The following MGAT5 variants were observed in gnomAD, a reference collection of about 807,000 sequenced individuals.
MGAT5 encodes alpha-1,6-mannosylglycoprotein 6-beta-N-acetylglucosaminyltransferase.
In MGAT5, 30 loss-of-function variants were observed where a neutral mutation model predicts 94.3. That is an observed-to-expected ratio of 0.32 (90% CI 0.24 to 0.43). The LOEUF (loss-of-function observed/expected upper bound fraction) is 0.43, where lower values mean the gene tolerates loss of function less well. MGAT5 is among the 20% of genes least tolerant of loss of function. The probability of loss-of-function intolerance (pLI) is 1.00; values close to 1 mark genes in which losing one functional copy is unlikely to be tolerated. For missense variants in MGAT5, 691 were observed against 905.5 expected (o/e 0.76, Z 3.04); for synonymous variants, 310 against 322.9 (o/e 0.96, Z 0.43).
intron 1 of MGAT5, among the ~76,000 whole-genome samples, chr2:134,265,848 A>G (rs973815254): frequency 2.0e-5 from 3 of 152,156 alleles, no homozygotes; most frequent in African/African-American, 7.2e-5. Flanking sequence ...GTACAGTTGT[A>G]TTGAACAAAA....
rs897201317 is a variant in MGAT5 at position 134,331,465 on chromosome 2, C to T, written c.574-4752C>T. ...CTTCTCCTCAATCGATTGTTGTGTGCGTGTTGCCGTGAGCTCAGACAGTTT... is the reference window on the plus strand; with the variant it reads ...CTTCTCCTCAATCGATTGTTGTGTGTGTGTTGCCGTGAGCTCAGACAGTTT... On this transcript the variant is annotated intron_variant, in intron 4 of 15. Transcript: ENST00000281923. Among the ~76,000 whole-genome samples the T allele has an allele frequency of 4.6e-5, 7 of 152,146 alleles. No homozygotes were observed. The South Asian group carries it at 6.2e-4, about 14-fold the overall frequency.
intron 12 of MGAT5, among the ~76,000 whole-genome samples, chr2:134,420,750 G>C (rs1301881375): frequency 6.6e-6 from 1 of 152,126 alleles, no homozygotes; most frequent in Non-Finnish European, 1.5e-5. Flanking sequence ...ATAAATATGA[G>C]ATGAAATTTG....
chr2:134,265,554 C>T (rs1414880601), intron 1 of MGAT5, among the ~76,000 whole-genome samples: 2 of 152,206 alleles, frequency 1.3e-5, no homozygotes, highest in African/African-American at 4.8e-5. Flanking sequence ...CTGCTTTCCC[C>T]AGAGAGACAT....
intron 7 of MGAT5, among the ~76,000 whole-genome samples, chr2:134,344,191 G>A (rs943911667): frequency 1.3e-5 from 2 of 152,156 alleles, no homozygotes; most frequent in Admixed American, 6.5e-5. Flanking sequence ...CATGAAGTTG[G>A]CCTACCAATC....
intron 3 of MGAT5, among the ~76,000 whole-genome samples, chr2:134,318,242 G>A (rs903611547): frequency 1.3e-5 from 2 of 152,118 alleles, no homozygotes; most frequent in South Asian, 2.1e-4. Flanking sequence ...ACGCTCGTCC[G>A]TGCCCTCCTT....
At chr2:134,130,096 C>G (rs1232854751) in intron 1 of MGAT5, among the ~76,000 whole-genome samples, 1 of 152,186 alleles carries the variant, frequency 6.6e-6, no homozygotes, top group Admixed American at 6.5e-5. Context: ...GCGCCGGGTC[C>G]CCCAGCACTG....
intron 12 of MGAT5, among the ~76,000 whole-genome samples, chr2:134,419,148 A>G (rs1056650190): frequency 6.6e-6 from 1 of 152,334 alleles, no homozygotes; most frequent in Middle Eastern, 3.4e-3. Context: ...ATCCACCTAA[A>G]TTGATCATAT....
intron 2 of MGAT5, among the ~76,000 whole-genome samples, chr2:134,315,015 ACT>A (rs570019404): frequency 1.6e-3 from 243 of 151,892 alleles, no homozygotes; most frequent in South Asian, 8.1e-3. Flanking sequence ...TTAAATATTT[ACT>A]CTCTGTTTCT....
chr2:134,146,747 C>T (rs1182786306), intron 1 of MGAT5, among the ~76,000 whole-genome samples: 3 of 152,084 alleles, frequency 2.0e-5, no homozygotes, highest in Non-Finnish European at 4.4e-5. Flanking sequence ...GCATTGGCAG[C>T]TGGGTTTCTT....
chr2:134,133,802 A>G (rs10200576), intron 1 of MGAT5, among the ~76,000 whole-genome samples: 73,743 of 151,962 alleles, frequency 0.49, 20,975 homozygotes, highest in African/African-American at 0.79. Flanking sequence ...TGGTCGAAAA[A>G]TGCAGGGTGA....
chr2:134,381,391 T>TAAGATA (rs1558841803), intron 10 of MGAT5, among the ~76,000 whole-genome samples: 35 of 80,036 alleles, frequency 4.4e-4, no homozygotes, highest in African/African-American at 1.2e-3. Flanking sequence ...ATTAGATAGA[T>TAAGATA]AGATAGATAG....
intron 11 of MGAT5, among the ~76,000 whole-genome samples, chr2:134,406,988 A>G (rs1683377619): frequency 1.3e-5 from 2 of 152,206 alleles, no homozygotes; most frequent in African/African-American, 4.8e-5. Context: ...CCACAGGTGC[A>G]TCCACAGTGC....
chr2:134,234,271 T>C (rs1681520689), intron 1 of MGAT5, among the ~76,000 whole-genome samples: 1 of 152,196 alleles, frequency 6.6e-6, no homozygotes, highest in Non-Finnish European at 1.5e-5. Context: ...AGAGCAGTGA[T>C]GCCTATAGTT....
intron 10 of MGAT5, among the ~76,000 whole-genome samples, chr2:134,397,313 T>G (rs1451744168): frequency 6.6e-6 from 1 of 152,072 alleles, no homozygotes; most frequent in African/African-American, 2.4e-5. Flanking sequence ...CAGAAGGAGT[T>G]GCAAATCCAG....
chr2:134,282,239 G>C (rs1558758056), intron 2 of MGAT5, among the ~76,000 whole-genome samples: 1 of 152,236 alleles, frequency 6.6e-6, no homozygotes, highest in Non-Finnish European at 1.5e-5. Context: ...CCTGAGGGCA[G>C]AAGGCCATTA....
chr2:134,147,157 ATTTTGTTTC>A (rs1036435973), intron 1 of MGAT5, among the ~76,000 whole-genome samples: 8 of 152,106 alleles, frequency 5.3e-5, no homozygotes, highest in African/African-American at 1.9e-4. Flanking sequence ...GTTCTTAGTC[ATTTTGTTTC>A]TTTATTAGTA....
rs570684879 is a variant in MGAT5 at position 134,265,776 on chromosome 2, TTAAAATA to T, written c.242-4607_242-4601del. ...AATAACTATAAGACGCAATGAAATA[TTAAAATA>T]TACTAGAATTTGGAGTAATATTTTT... is the stretch of plus-strand genomic sequence containing the variant. On this transcript the variant is annotated intron_variant, in intron 1 of 15. Coordinates refer to ENST00000281923, the MANE Select transcript of MGAT5 (RefSeq NM_002410.5). 3.2e-3 allele frequency among the ~76,000 whole-genome samples: 480 copies of T among 152,342 alleles called. 1 individual carries two copies. Among genetic ancestry groups the T allele is most frequent in the African/African-American group, 0.011 (455 of 41,586 alleles).
At chr2:134,407,513 C>T (rs545343859) in intron 11 of MGAT5, among the ~76,000 whole-genome samples, 46 of 152,306 alleles carry the variant, frequency 3.0e-4, no homozygotes, top group African/African-American at 1.0e-3. Context: ...ACAACACGTT[C>T]AACTTCTGTG....
intron 1 of MGAT5, among the ~76,000 whole-genome samples, chr2:134,175,924 T>C (rs778431723): frequency 6.6e-6 from 1 of 152,198 alleles, no homozygotes; most frequent in Non-Finnish European, 1.5e-5. Context: ...GGTTTCTCCT[T>C]CTTTCTTTTA....
Sources: allele counts gnomAD v4.1 joint callset (sites outside exome capture counted in the v4.1 genomes callset), GRCh38; gene constraint gnomAD v4.1.1; transcripts MANE v1.5; gene names NCBI Gene and HGNC (gene_info 2026-07-23, HGNC 2026-07-21).